MAP2: variants seen among roughly 807,000 people sequenced by gnomAD.
MAP2 encodes the protein microtubule associated protein 2.
MAP2 carries 14 observed loss-of-function variants against 137.6 expected under a neutral mutation model. That is an observed-to-expected ratio of 0.10 (90% CI 0.07 to 0.16). The LOEUF (loss-of-function observed/expected upper bound fraction) is 0.16. MAP2 is among the 10% of genes least tolerant of loss of function. The pLI is 1.00. For missense variants in MAP2, 2,088 were observed against 2,191.5 expected, an observed-to-expected ratio of 0.95 and a Z score of 0.94; for synonymous variants, 786 against 782.3, an observed-to-expected ratio of 1.00 and a Z score of -0.08.
At chr2:209,469,629 C>T (rs72997615) in intron 1 of MAP2, among the ~76,000 whole-genome samples, 6,987 of 152,214 alleles carry the variant, frequency 0.046, 244 homozygotes, top group Middle Eastern at 0.068. Context: ...GCTGCAGCCT[C>T]CCTTCACAAC....
intron 3 of MAP2, among the ~76,000 whole-genome samples, chr2:209,588,456 C>T (rs1460413672): frequency 6.6e-6 from 1 of 152,056 alleles, no homozygotes; most frequent in African/African-American, 2.4e-5. Context: ...CATTGATCCA[C>T]CTATGGCAAT....
At chr2:209,572,369 G>T (rs1418585744) in intron 2 of MAP2, among the ~76,000 whole-genome samples, 1 of 151,906 alleles carries the variant, frequency 6.6e-6, no homozygotes, top group East Asian at 1.9e-4. Context: ...TTTGTAATTT[G>T]TTTTTCATCC....
intron 4 of MAP2, among the ~76,000 whole-genome samples, chr2:209,648,980 A>G (rs979098437): frequency 7.9e-5 from 12 of 152,014 alleles, no homozygotes; most frequent in African/African-American, 2.9e-4. Flanking sequence ...AGTATCTCAC[A>G]ACAAATTTTT....
Position 209,695,451 on chromosome 2 carries a change from T to C in MAP2, c.3281T>C (p.Val1094Ala). The part of the protein sequence containing the change: ...APQEADAFMG[V>A]ESGHMKEGTK... Reference sequence around the variant, plus strand: ...CAGGAGGCAGATGCATTTATGGGTGTTGAGTCTGGCCACATGAAAGAAGGC... The same window carrying C: ...CAGGAGGCAGATGCATTTATGGGTGCTGAGTCTGGCCACATGAAAGAAGGC... Residue 1094 changes from valine (V) to alanine (A), a missense_variant, in exon 8 of 16, where the codon GTT becomes GCT. By Grantham distance (64) the Val-to-Ala change is moderately conservative (BLOSUM62 0). Transcript: ENST00000682079. The C allele has an allele frequency of 6.2e-7, 1 of 1,614,002 alleles. No individual in the cohort carries two copies. The highest frequency in any genetic ancestry group is 8.5e-7 in the Non-Finnish European group (1 of 1,179,966).
chr2:209,634,977 C>T lies in MAP2; in HGVS notation c.-30+9848C>T, dbSNP rs180690959. The stretch of plus-strand genomic sequence containing the variant: ...AGGAAGGTTGCACCTGCCTGTAGTC[C>T]CGGCTACTTGGGAGGCTGAGATGGG... On this transcript the variant is annotated intron_variant, in intron 4 of 15. Transcript: ENST00000682079. Among the ~76,000 whole-genome samples, 1,106 of 152,098 alleles carry T rather than the reference C, an allele frequency of 7.3e-3. 2 individuals carry two copies. Among genetic ancestry groups the T allele is most frequent in the Non-Finnish European group, 0.011 (736 of 67,968 alleles).
At chr2:209,720,016 A>G (rs547700238) in intron 13 of MAP2, among the ~76,000 whole-genome samples, 4 of 152,338 alleles carry the variant, frequency 2.6e-5, no homozygotes, top group African/African-American at 9.6e-5. Flanking sequence ...CCCTAGGGAG[A>G]GATAATAACA....
chr2:209,499,128 A>T (rs1340522844), intron 1 of MAP2, among the ~76,000 whole-genome samples: 1 of 151,964 alleles, frequency 6.6e-6, no homozygotes, highest in Non-Finnish European at 1.5e-5. Context: ...CCTGCTTCTG[A>T]GTGTAGGTTA....
At chr2:209,546,350 G>C (rs927379071) in intron 2 of MAP2, among the ~76,000 whole-genome samples, 4 of 151,976 alleles carry the variant, frequency 2.6e-5, no homozygotes, top group African/African-American at 9.7e-5. Context: ...TTGTATGTTT[G>C]TGCATCTTAA....
At chr2:209,517,749 C>T (rs2062717017) in intron 2 of MAP2, among the ~76,000 whole-genome samples, 1 of 151,704 alleles carries the variant, frequency 6.6e-6, no homozygotes, top group Non-Finnish European at 1.5e-5. Flanking sequence ...TGGAAATACA[C>T]CACTTTATGG....
chr2:209,464,652 A>G (rs1036166736), intron 1 of MAP2, among the ~76,000 whole-genome samples: 1 of 152,122 alleles, frequency 6.6e-6, no homozygotes, highest in African/African-American at 2.4e-5. Context: ...TTTATCAGTA[A>G]CACATTAATA....
chr2:209,651,133 A>G (rs6745316), intron 4 of MAP2, among the ~76,000 whole-genome samples: 2,602 of 152,286 alleles, frequency 0.017, 78 homozygotes, highest in African/African-American at 0.06. Context: ...TAGGCTACCC[A>G]ATTAGATCTT....
At chr2:209,640,945 C>CT (rs1326624775) in intron 4 of MAP2, among the ~76,000 whole-genome samples, 1 of 129,284 alleles carries the variant, frequency 7.7e-6, no homozygotes, top group African/African-American at 2.8e-5. Flanking sequence ...TTTGTTTTCT[C>CT]TTAATTTTAA....
At chr2:209,544,749 A>G (rs2067707676) in intron 2 of MAP2, among the ~76,000 whole-genome samples, 1 of 152,234 alleles carries the variant, frequency 6.6e-6, no homozygotes, top group Non-Finnish European at 1.5e-5. Flanking sequence ...CCATTTCTTC[A>G]AAATATGCTA....
At chr2:209,540,360 G>A (rs900259807) in intron 2 of MAP2, among the ~76,000 whole-genome samples, 5 of 151,176 alleles carry the variant, frequency 3.3e-5, no homozygotes, top group South Asian at 4.2e-4. Flanking sequence ...CTGGCCGGGC[G>A]CGGTCGCTCA....
At chr2:209,540,096 G>GT (rs1179678077) in intron 2 of MAP2, among the ~76,000 whole-genome samples, 2 of 56,490 alleles carry the variant, frequency 3.5e-5, no homozygotes, top group East Asian at 4.9e-4. Context: ...GGGAGACGTT[G>GT]TAAAAAAAAA....
chr2:209,719,204 T>TA (rs1397456453), intron 13 of MAP2, among the ~76,000 whole-genome samples: 2 of 152,118 alleles, frequency 1.3e-5, no homozygotes, highest in African/African-American at 4.8e-5. Context: ...TTCTTTCTGA[T>TA]ACAACTCAGA....
In MAP2 at chr2:209,731,632, T is replaced by A. The variant is rs1324702474; in HGVS notation, c.*1235T>A. On this transcript the variant is annotated 3_prime_UTR_variant, in exon 16 of 16. Transcript: ENST00000682079. ...TAAGATTTTTTCTTTATTTTTCTTT[T>A]TTTTTCCATTTGCTAAAGTTGAAAG... 6.6e-6 allele frequency: 1 copy of A among 152,610 alleles called. No individual in the cohort carries two copies. The highest frequency in any genetic ancestry group is 1.5e-5 in the Non-Finnish European group (1 of 68,034). 9.5% of individuals were successfully genotyped at this position (152,610 alleles called of 1,614,324 possible).
intron 13 of MAP2, among the ~76,000 whole-genome samples, chr2:209,716,694 A>G (rs549348772): frequency 6.6e-6 from 1 of 152,320 alleles, no homozygotes; most frequent in East Asian, 1.9e-4. Flanking sequence ...TTAGTGGTCC[A>G]GCTCTTCTAT....
chr2:209,627,400 G>T (rs1385443589), intron 4 of MAP2, among the ~76,000 whole-genome samples: 1 of 152,160 alleles, frequency 6.6e-6, no homozygotes, highest in African/African-American at 2.4e-5. Context: ...AGTTGGGGGA[G>T]GAAGAGGAAT....
Sources: gnomAD v4.1 joint callset for allele counts (sites outside exome capture counted in the v4.1 genomes callset) on GRCh38, gnomAD v4.1.1 for gene constraint, MANE v1.5 for transcripts, NCBI Gene and HGNC (gene_info 2026-07-23, HGNC 2026-07-21) for gene names.